The following WDR88 variants were observed in gnomAD, a reference collection of about 807,000 sequenced individuals.
WDR88 encodes WD repeat-containing protein 88.
WDR88 carries 40 observed loss-of-function variants against 46.8 expected under a neutral mutation model. That is an observed-to-expected ratio of 0.86 (90% CI 0.66 to 1.11). The LOEUF is 1.11. Ranked by LOEUF, WDR88 falls within the 50% of genes most tolerant of loss-of-function variation. WDR88 has a pLI of 0.00. For missense variants in WDR88, 562 were observed against 602.4 expected, an observed-to-expected ratio of 0.93 and a Z score of 0.70; for synonymous variants, 235 against 240.7, an observed-to-expected ratio of 0.98 and a Z score of 0.22.
chr19:33,152,059 C>G (rs1973645435), intron 6 of WDR88, among the ~76,000 whole-genome samples: 1 of 151,622 alleles, frequency 6.6e-6, no homozygotes, highest in Non-Finnish European at 1.5e-5. Flanking sequence ...TAGTGAAACC[C>G]CACCTCTAGT....
intron 1 of WDR88, among the ~76,000 whole-genome samples, chr19:33,136,581 T>C (rs1416539160): frequency 2.0e-5 from 3 of 151,606 alleles, no homozygotes; most frequent in Admixed American, 2.0e-4. Flanking sequence ...TTTTTCTTTT[T>C]GAGACAGTTC....
At chr19:33,167,584 A>G (rs1446971148) in intron 9 of WDR88, among the ~76,000 whole-genome samples, 1 of 152,116 alleles carries the variant, frequency 6.6e-6, no homozygotes, top group African/African-American at 2.4e-5. Context: ...CAGACAAGAA[A>G]AAGAAATAAA....
chr19:33,165,050 GCA>G (rs1047606497), intron 9 of WDR88, among the ~76,000 whole-genome samples: 4 of 151,958 alleles, frequency 2.6e-5, no homozygotes, highest in Non-Finnish European at 5.9e-5. Flanking sequence ...TCCCTTGCAT[GCA>G]CAGTTCACAA....
At chr19:33,142,851 C>CAAAAAAAAAAAAAA (rs74174644) in intron 2 of WDR88, 1 of 19,532 alleles carries the variant, frequency 5.1e-5, no homozygotes, top group Non-Finnish European at 7.5e-5. Flanking sequence ...ACTAAAAATA[C>CAAAAAAAAAAAAAA]AAAAAAAAAA....
chr19:33,172,261 C>A, intron 9 of WDR88, 87 bp from the exon 10 acceptor site: 2 of 1,140,944 alleles, frequency 1.8e-6, no homozygotes, highest in Non-Finnish European at 1.3e-6. Flanking sequence ...GCCTTGACAG[C>A]CCATGTCTTT....
intron 10 of WDR88, chr19:33,174,153 T>C: frequency 6.5e-7 from 1 of 1,535,820 alleles, no homozygotes; most frequent in South Asian, 1.2e-5. Context: ...GCACCCAAAC[T>C]GGGATCTAAT....
chr19:33,161,249 G>GC (rs1568369086), intron 8 of WDR88, among the ~76,000 whole-genome samples: 2 of 152,124 alleles, frequency 1.3e-5, no homozygotes, highest in Non-Finnish European at 2.9e-5. Context: ...TGCACAGAAA[G>GC]CTTGGGGTTC....
At chr19:33,146,461 TTCTTTCCTTCCTTCCTTCC>T (rs1973517309) in intron 3 of WDR88, among the ~76,000 whole-genome samples, 2 of 112,468 alleles carry the variant, frequency 1.8e-5, no homozygotes, top group South Asian at 6.5e-4. Context: ...CCTTCCTTCC[TTCTTTCCTTCCTTCCTTCC>T]TTCCTTCCTT....
At chr19:33,156,592 A>G (rs376232872) in intron 7 of WDR88, 50 bp downstream of exon 7, 95 of 1,569,322 alleles carry the variant, frequency 6.1e-5, no homozygotes, top group Non-Finnish European at 5.9e-5. Flanking sequence ...AGTGCTGGGC[A>G]GAGTTCTCCA....
In WDR88 at chr19:33,165,712, G is replaced by C. The variant is rs937893456; in HGVS notation, c.1149+1447G>C. 9.2e-5 allele frequency among the ~76,000 whole-genome samples: 14 copies of C among 151,920 alleles called. No homozygotes were observed. In the East Asian group the frequency reaches 2.5e-3, roughly 28 times the overall value. ...GTCCGAGACCAGCCTGGCCAACGTG[G>C]TGAAGCCCCGTCTTTACTAAAAATA... On this transcript the variant is annotated intron_variant, in intron 9 of 10. Transcript: ENST00000355868.
rs373951786 is a variant in WDR88 at position 33,147,724 on chromosome 19, C to T, written c.540+16C>T. On this transcript the variant is annotated intron_variant, in intron 4 of 10. Transcript: ENST00000355868. ...CAAGCTGCTGGTACGTATGCCTGTC[C>T]AGTGGGGGCGTTGGTTGCAGCCCAG... 6.2e-7 allele frequency: 1 copy of T among 1,612,900 alleles called. No homozygotes were observed. The highest frequency in any genetic ancestry group is 1.3e-5 in the African/African-American group (1 of 74,866).
Position 33,148,866 on chromosome 19 carries a change from G to A in WDR88, c.635G>A (p.Cys212Tyr). ...VSGFDVDHGI[C>Y]IMDAENITTV... is the part of the protein sequence containing the mutation. ...GGCTTCGACGTGGATCATGGAATCT[G>A]CATAATGGACGCCGAGAACATCACC... is the stretch of plus-strand genomic sequence containing the variant. The change falls in exon 5 of 11, where the codon TGC becomes TAC. Residue 212 changes from cysteine to tyrosine, a missense_variant. Physicochemically the swap from Cys to Tyr is radical, Grantham distance 194. Coordinates refer to ENST00000355868, the MANE Select transcript of WDR88 (RefSeq NM_173479.4). 5 of 1,614,136 alleles carry A rather than the reference G, an allele frequency of 3.1e-6. No individual in the cohort carries two copies. Among genetic ancestry groups the A allele is most frequent in the Non-Finnish European group, 4.2e-6 (5 of 1,180,022 alleles).
Position 33,148,857 on chromosome 19 carries a change from A to G in WDR88, c.626A>G (p.His209Arg), listed in dbSNP as rs1183614787. 3 of 1,614,144 alleles carry G rather than the reference A, an allele frequency of 1.9e-6. No individual in the cohort carries two copies. In the South Asian group the frequency reaches 3.3e-5, roughly 18 times the overall value. The change falls in exon 5 of 11, where the codon CAT becomes CGT. Residue 209 changes from histidine (H) to arginine (R), a missense_variant. Physicochemically the swap from His to Arg is conservative, Grantham distance 29 (BLOSUM62 0). Transcript: ENST00000355868. ...KYVVSGFDVD[H>R]GICIMDAENI... ...GTGGTCTCAGGCTTCGACGTGGATC[A>G]TGGAATCTGCATAATGGACGCCGAG... is the stretch of plus-strand genomic sequence containing the variant.
chr19:33,160,560 T>C lies in WDR88; in HGVS notation c.1080+64T>C. ...CCTCCCGAGTCCTTCCTGTGCTCAA[T>C]GCTGGTTGCTGGGGACACAGCTGTG... is the stretch of plus-strand genomic sequence containing the variant. On this transcript the variant is annotated intron_variant, in intron 8 of 10. Transcript: ENST00000355868. The C allele has an allele frequency of 1.9e-6, 3 of 1,547,594 alleles. No individual in the cohort carries two copies. In the East Asian group the frequency reaches 6.7e-5, roughly 35 times the overall value.
Position 33,164,055 on chromosome 19 carries a change from C to T in WDR88, c.1081-142C>T, listed in dbSNP as rs1342494967. On this transcript the variant is annotated intron_variant, in intron 8 of 10. Coordinates refer to ENST00000355868, the MANE Select transcript of WDR88 (RefSeq NM_173479.4). Reference sequence around the variant, plus strand: ...TGCAATCATGGCTCACTGCAGCTTCCACCTCCTGGGCTCAGGTGACCCTCC... The same window carrying T: ...TGCAATCATGGCTCACTGCAGCTTCTACCTCCTGGGCTCAGGTGACCCTCC... 1.0e-5 allele frequency: 7 copies of T among 671,458 alleles called. No homozygotes were observed. In the East Asian group the frequency reaches 1.9e-4, roughly 19 times the overall value. 41.6% of individuals were successfully genotyped at this position (671,458 alleles called of 1,614,324 possible).
intron 1 of WDR88, among the ~76,000 whole-genome samples, chr19:33,135,055 GT>G (rs143392868): frequency 0.35 from 29,943 of 85,240 alleles, 4,150 homozygotes; most frequent in South Asian, 0.53. Flanking sequence ...GGGTGGGTGG[GT>G]GGGGGGGGTG....
Position 33,135,871 on chromosome 19 carries a change from T to TTTTC in WDR88, c.277-1786_277-1783dup, listed in dbSNP as rs200259433. 9.0e-3 allele frequency among the ~76,000 whole-genome samples: 1,367 copies of TTTTC among 152,062 alleles called. 25 individuals carry two copies. The highest frequency in any genetic ancestry group is 0.03 in the African/African-American group (1,264 of 41,458). On this transcript the variant is annotated intron_variant, in intron 1 of 10. Coordinates refer to ENST00000355868, the MANE Select transcript of WDR88 (RefSeq NM_173479.4). ...GACACAGTATCACACTTTGGTTTTC[T>TTTTC]TTTCTTTCTTTCTTTCTTTCTTTTC... is the stretch of plus-strand genomic sequence containing the variant.
At chr19:33,172,487 C>A in intron 10 of WDR88, 47 bp downstream of exon 10, 1 of 1,452,408 alleles carries the variant, frequency 6.9e-7, no homozygotes, top group Non-Finnish European at 9.5e-7. Flanking sequence ...TCGTTAGTTC[C>A]CTCTATAAAT....
At chr19:33,156,322 G>A (rs748623933) in intron 6 of WDR88, 33 bp from the exon 7 acceptor site, 4 of 1,606,302 alleles carry the variant, frequency 2.5e-6, no homozygotes, top group Non-Finnish European at 8.5e-7. Context: ...GGAGCAAAGC[G>A]CTAATGTGTG....
Sources: gnomAD v4.1 joint callset for allele counts (sites outside exome capture counted in the v4.1 genomes callset) on GRCh38, gnomAD v4.1.1 for gene constraint, MANE v1.5 for transcripts, NCBI Gene and HGNC (gene_info 2026-07-23, HGNC 2026-07-21) for gene names.